Variants in DPH6 observed in about 807,000 individuals in gnomAD.
DPH6 encodes the protein diphthine--ammonia ligase.
Under a neutral mutation model 38.2 loss-of-function variants are expected in DPH6, and 33 were observed. The ratio of observed to expected loss-of-function variants is 0.86; its 90% CI spans 0.65 to 1.15. DPH6 has a LOEUF of 1.15. Ranked by LOEUF, DPH6 falls within the 50% of genes most tolerant of loss-of-function variation. DPH6 has a pLI of 0.00. For synonymous variants in DPH6, 108 were observed against 103.0 expected (o/e 1.05, Z -0.30); for missense variants, 325 against 320.0 (o/e 1.02, Z -0.12).
chr15:35,496,567 A>T (rs199782384), intron 3 of DPH6, among the ~76,000 whole-genome samples: 1,818 of 30,806 alleles, frequency 0.059, 142 homozygotes, highest in Admixed American at 0.11. Context: ...AAAAAAAAAA[A>T]ATATATATAT....
rs1038533095 is a variant in DPH6, at chr15:35,545,236, G to A, written c.23+883C>T. Among the ~76,000 whole-genome samples the A allele has an allele frequency of 3.9e-5, 6 of 152,194 alleles. No homozygotes were observed. In the East Asian group the frequency reaches 1.2e-3, roughly 29 times the overall value. On this transcript the variant is annotated intron_variant, in intron 1 of 8. Transcript: ENST00000256538. ...AAAATCTCATGAAACAAGTATTTAA[G>A]TAGTCTAACTTTTTAATGTTGCTAG...
chr15:35,210,098 T>G, the DPH6 span, among the ~76,000 whole-genome samples: 5 of 152,290 alleles, frequency 3.3e-5, no homozygotes, highest in African/African-American at 1.2e-4. Flanking sequence ...GTAGCTTTTG[T>G]TTGTATTCCA....
rs2051920472 is a variant in DPH6, at chr15:35,283,933, CTT to C, written n.201-63353_201-63352del. ...TTACACTAGTGATTCTTCTGGGTCT[CTT>C]TATCTTTATCTTTGCTGTAGTAATT... On this transcript the variant is annotated intron_variant and non_coding_transcript_variant, in intron 3 of 3. Coordinates refer to the DPH6 transcript ENST00000560386. 2.0e-5 allele frequency among the ~76,000 whole-genome samples: 3 copies of C among 152,122 alleles called. No homozygotes were observed. The South Asian group carries it at 6.2e-4, about 32-fold the overall frequency.
At chr15:35,328,470 G>A (rs965372136), downstream of DPH6, among the ~76,000 whole-genome samples, 2 of 152,012 alleles carry the variant, frequency 1.3e-5, no homozygotes, top group Non-Finnish European at 2.9e-5. Flanking sequence ...AATAAATCCA[G>A]CAACTAGCAT....
intron 3 of DPH6, among the ~76,000 whole-genome samples, chr15:35,470,517 A>G (rs542118576): frequency 6.6e-6 from 1 of 152,324 alleles, no homozygotes; most frequent in South Asian, 2.1e-4. Flanking sequence ...ATATTTCAAA[A>G]AGACTTGTGA....
intron 3 of DPH6, chr15:35,520,923 C>T: frequency 1.0e-6 from 1 of 985,138 alleles, no homozygotes; most frequent in East Asian, 1.1e-4. Flanking sequence ...TCTCAAAATT[C>T]CAGAGAGATT....
chr15:35,373,460 A>C, intron 8 of DPH6, 61 bp downstream of exon 8: 1 of 1,430,430 alleles, frequency 7.0e-7, no homozygotes, highest in Non-Finnish European at 9.5e-7. Context: ...TTATATATGC[A>C]AAGCCAATGT....
chr15:35,259,035 A>C (rs2051726196), intron 3 of DPH6, among the ~76,000 whole-genome samples: 1 of 151,774 alleles, frequency 6.6e-6, no homozygotes, highest in South Asian at 2.1e-4. Flanking sequence ...TAATCCCGCT[A>C]CTGGGGAGGC....
chr15:35,535,520 C>T (rs954211576), intron 3 of DPH6, among the ~76,000 whole-genome samples: 1 of 152,088 alleles, frequency 6.6e-6, no homozygotes, highest in African/African-American at 2.4e-5. Context: ...ATAATCCCTA[C>T]ATATATTTCC....
chr15:35,218,846 AT>A (rs2051425581), exon 4 of DPH6: 1 of 152,148 alleles, frequency 6.6e-6, no homozygotes, highest in Non-Finnish European at 1.5e-5. Flanking sequence ...TGATCACAGA[AT>A]TGAAAAAAAA....
At chr15:35,414,457 A>G (rs189471268) in intron 5 of DPH6, among the ~76,000 whole-genome samples, 60 of 151,928 alleles carry the variant, frequency 3.9e-4, no homozygotes, top group African/African-American at 1.3e-3. Flanking sequence ...TCTTAATTCA[A>G]TATGTCTAGG....
chr15:35,244,725 AAACTT>A (rs1053646889), intron 3 of DPH6, among the ~76,000 whole-genome samples: 182 of 152,316 alleles, frequency 1.2e-3, no homozygotes, highest in African/African-American at 4.3e-3. Context: ...TGAAAGAAGA[AAACTT>A]AGGATGGGTG....
intron 8 of DPH6, among the ~76,000 whole-genome samples, chr15:35,372,836 C>T (rs1015961149): frequency 1.4e-4 from 22 of 151,904 alleles, no homozygotes; most frequent in Admixed American, 7.9e-4. Context: ...GGAAAGAACA[C>T]TAAATATACA....
chr15:35,476,784 A>G (rs889253656), intron 3 of DPH6, among the ~76,000 whole-genome samples: 3 of 151,870 alleles, frequency 2.0e-5, no homozygotes, highest in Admixed American at 1.3e-4. Flanking sequence ...AAAGTGTATT[A>G]TAAGTAACAA....
rs574303182 is a variant in DPH6, at chr15:35,451,792, C to T, written c.387-989G>A. On this transcript the variant is annotated intron_variant, in intron 4 of 8. Coordinates refer to ENST00000256538, the MANE Select transcript of DPH6 (RefSeq NM_080650.4). ...TTGGGAGGCCAAGGCGGGTGGATCA[C>T]GAGGTCAGGAAATCGAGACCATCCT... Among the ~76,000 whole-genome samples the T allele has an allele frequency of 5.2e-4, 79 of 152,246 alleles. 1 individual carries two copies. The highest frequency in any genetic ancestry group is 2.0e-4 in the Admixed American group (3 of 15,304).
chr15:35,212,880 A>C (rs757496831), downstream of DPH6, among the ~76,000 whole-genome samples: 4 of 152,234 alleles, frequency 2.6e-5, no homozygotes, highest in Non-Finnish European at 5.9e-5. Context: ...GACTTCAGTA[A>C]TTGCAATTTG....
chr15:35,236,640 C>CAA (rs373551575), intron 3 of DPH6, among the ~76,000 whole-genome samples: 6 of 101,726 alleles, frequency 5.9e-5, no homozygotes, highest in Non-Finnish European at 1.0e-4. Flanking sequence ...GACTCCATCT[C>CAA]AAAAAAAAAA....
chr15:35,361,761 C>T (rs2052616512), intron 3 of DPH6, among the ~76,000 whole-genome samples: 1 of 151,562 alleles, frequency 6.6e-6, no homozygotes, highest in Non-Finnish European at 1.5e-5. Context: ...TCTTTGGTTC[C>T]AGATTTTCTA....
At chr15:35,432,742 A>ATATATT (rs2053648205) in intron 5 of DPH6, among the ~76,000 whole-genome samples, 1 of 152,192 alleles carries the variant, frequency 6.6e-6, no homozygotes, top group East Asian at 1.9e-4. Flanking sequence ...TGAGAAAGGT[A>ATATATT]CTGAAGACAT....
Sources: allele counts gnomAD v4.1 joint callset (sites outside exome capture counted in the v4.1 genomes callset), GRCh38; gene constraint gnomAD v4.1.1; transcripts MANE v1.5; gene names NCBI Gene and HGNC (gene_info 2026-07-23, HGNC 2026-07-21).